TEX14: variants seen among roughly 807,000 people sequenced by gnomAD.
TEX14 encodes inactive serine/threonine-protein kinase TEX14.
A neutral mutation model predicts 178.6 loss-of-function variants in TEX14; 168 were observed. That is an observed-to-expected ratio of 0.94 (90% CI 0.83 to 1.07). The LOEUF (loss-of-function observed/expected upper bound fraction) is 1.07, where lower values mean the gene tolerates loss of function less well. TEX14 is among the 50% of genes least tolerant of loss of function. The pLI is 0.00. For synonymous variants in TEX14, 626 were observed against 634.1 expected (o/e 0.99, Z 0.19); for missense variants, 1,730 against 1,753.6 (o/e 0.99, Z 0.24).
intron 21 of TEX14, among the ~76,000 whole-genome samples, chr17:58,574,673 T>TC (rs1375627640): frequency 3.9e-4 from 10 of 25,398 alleles, no homozygotes; most frequent in Non-Finnish European, 5.3e-4. Context: ...AGACTCCATC[T>TC]CCAAAAAAAA....
At chr17:58,584,902 T>C (rs925739799) in intron 18 of TEX14, among the ~76,000 whole-genome samples, 2 of 152,206 alleles carry the variant, frequency 1.3e-5, no homozygotes. Context: ...TAGATGTATC[T>C]TTCTTTAACT....
At chr17:58,577,747 C>T (rs1401878580) in intron 20 of TEX14, among the ~76,000 whole-genome samples, 1 of 152,110 alleles carries the variant, frequency 6.6e-6, no homozygotes, top group Admixed American at 6.5e-5. Flanking sequence ...TTTCTGAAGA[C>T]AAATGTTGTT....
At chr17:58,579,640 G>A (rs1342559709) in intron 20 of TEX14, 25 bp downstream of exon 20, 1 of 1,593,080 alleles carries the variant, frequency 6.3e-7, no homozygotes, top group Admixed American at 1.7e-5. Flanking sequence ...TGATTCTCAA[G>A]GAATCTTCCC....
At chr17:58,652,319 C>A (rs954027659) in intron 1 of TEX14, among the ~76,000 whole-genome samples, 5 of 152,296 alleles carry the variant, frequency 3.3e-5, no homozygotes, top group South Asian at 2.1e-4. Flanking sequence ...ATAATCCCCA[C>A]AACGTCATGG....
chr17:58,569,999 T>C lies in TEX14; in HGVS notation c.3817+386A>G, dbSNP rs2044483460. 6.6e-6 allele frequency among the ~76,000 whole-genome samples: 1 copy of C among 152,130 alleles called. No individual in the cohort carries two copies. The highest frequency in any genetic ancestry group is 1.5e-5 in the Non-Finnish European group (1 of 68,020). On this transcript the variant is annotated intron_variant, in intron 25 of 31. Coordinates refer to ENST00000349033, the MANE Select transcript of TEX14 (RefSeq NM_031272.5). This position sits in a 1 kb window ranked among gnomAD's most constrained non-coding sequence, Gnocchi z 4.1. ...AACATAAGAAAATGGTTAAGCAACA[T>C]GTAGAATGGACTATAACTACTACAT...
At chr17:58,679,598 A>G (rs1207446952) in intron 1 of TEX14, 1 of 152,274 alleles carries the variant, frequency 6.6e-6, no homozygotes. Flanking sequence ...GTAGAAAACC[A>G]CAGGGGTCAG....
At chr17:58,661,459 GC>G (rs771438396) in intron 1 of TEX14, 1 of 784,230 alleles carries the variant, frequency 1.3e-6, no homozygotes, top group Non-Finnish European at 2.4e-6. Flanking sequence ...GGAGGTCGAG[GC>G]CCTTGAACAC....
rs553505411 is a variant in TEX14, at chr17:58,559,897, T to G, written c.4158-335A>C. 5.9e-5 allele frequency among the ~76,000 whole-genome samples: 9 copies of G among 152,344 alleles called. No individual in the cohort carries two copies. In the South Asian group the frequency reaches 8.3e-4, roughly 14 times the overall value. On this transcript the variant is annotated intron_variant, in intron 29 of 31. Transcript: ENST00000349033. ...TGCCTTAGACTCTGCTTTCAACCAC[T>G]ATGCTATACTGCTCCAAAGGAAAAA... is the stretch of plus-strand genomic sequence containing the variant.
Position 58,580,145 on chromosome 17 carries a change from C to T in TEX14, c.3172-414G>A, listed in dbSNP as rs80306824. On this transcript the variant is annotated intron_variant, in intron 19 of 31. Coordinates refer to ENST00000349033, the MANE Select transcript of TEX14 (RefSeq NM_031272.5). ...GGAAGAGGCAGTGACTGGATGGGAT[C>T]ACAAGGGGTCTTTTGGGGACTAGTA... 1.6e-4 allele frequency among the ~76,000 whole-genome samples: 24 copies of T among 152,282 alleles called. No individual in the cohort carries two copies. In the East Asian group the frequency reaches 4.6e-3, roughly 29 times the overall value.
rs184208419 is a variant in TEX14, at chr17:58,568,023, A to C, written c.3886+1169T>G. On this transcript the variant is annotated intron_variant, in intron 26 of 31. Transcript: ENST00000349033. ...GACCGAGGAACAAATGATACTAAGA[A>C]TCTACCTGAGCAGGACATGTGTGGG... 3.9e-5 allele frequency: 6 copies of C among 152,388 alleles called. No individual in the cohort carries two copies. The East Asian group carries it at 1.2e-3, about 29-fold the overall frequency. 9.4% of individuals were successfully genotyped at this position (152,388 alleles called of 1,614,324 possible). A position where few individuals can be genotyped will look rare whatever the true frequency, so the allele number is the denominator to read the frequency against.
chr17:58,676,853 A>G (rs977268829), intron 1 of TEX14, among the ~76,000 whole-genome samples: 1 of 152,050 alleles, frequency 6.6e-6, no homozygotes, highest in Admixed American at 6.6e-5. Context: ...CCAGCTGACC[A>G]GGTGGGGTGG....
At chr17:58,610,485 C>A (rs1441894354) in intron 10 of TEX14, among the ~76,000 whole-genome samples, 1 of 152,174 alleles carries the variant, frequency 6.6e-6, no homozygotes, top group Admixed American at 6.5e-5. Flanking sequence ...GGGATCAAGG[C>A]CTGAAAGGTG....
intron 1 of TEX14, among the ~76,000 whole-genome samples, chr17:58,682,227 G>T (rs1411253485): frequency 6.6e-6 from 1 of 151,452 alleles, no homozygotes; most frequent in African/African-American, 2.4e-5. Flanking sequence ...GGGATTAGAG[G>T]CATGGAACCA....
At chr17:58,690,557 T>G (rs1454941846) in intron 1 of TEX14, among the ~76,000 whole-genome samples, 1 of 152,186 alleles carries the variant, frequency 6.6e-6, no homozygotes, top group Admixed American at 6.6e-5. Flanking sequence ...AGACTTATTG[T>G]TGAATGTGGT....
chr17:58,686,072 G>A (rs1296173006), intron 1 of TEX14, among the ~76,000 whole-genome samples: 2 of 145,758 alleles, frequency 1.4e-5, no homozygotes, highest in Non-Finnish European at 3.1e-5. Flanking sequence ...CATGCCAGGA[G>A]GATCATGGTG....
intron 1 of TEX14, among the ~76,000 whole-genome samples, chr17:58,656,475 G>C (rs966072052): frequency 5.9e-5 from 9 of 151,682 alleles, no homozygotes; most frequent in African/African-American, 1.4e-4. Context: ...AAACCAAAAG[G>C]CTGGGCACAG....
chr17:58,636,951 G>T (rs2046448300), intron 2 of TEX14, among the ~76,000 whole-genome samples: 1 of 151,760 alleles, frequency 6.6e-6, no homozygotes, highest in South Asian at 2.1e-4. Context: ...TTGGGGCTGG[G>T]CATGGTGGCT....
At chr17:58,646,908 C>CTT (rs752886851) in intron 2 of TEX14, among the ~76,000 whole-genome samples, 3 of 141,588 alleles carry the variant, frequency 2.1e-5, no homozygotes, top group Admixed American at 1.4e-4. Flanking sequence ...CAAGCACACT[C>CTT]TTTTTTTTTT....
At chr17:58,588,943 A>C (rs1280369328) in intron 15 of TEX14, among the ~76,000 whole-genome samples, 1 of 152,200 alleles carries the variant, frequency 6.6e-6, no homozygotes, top group African/African-American at 2.4e-5. Flanking sequence ...TCTCATGAAC[A>C]TGTACATTTT....
Sources: allele counts gnomAD v4.1 joint callset (sites outside exome capture counted in the v4.1 genomes callset), GRCh38; gene constraint gnomAD v4.1.1; non-coding constraint Gnocchi (gnomAD v3.1); transcripts MANE v1.5; gene names NCBI Gene and HGNC (gene_info 2026-07-23, HGNC 2026-07-21).